Variants in ABCA12 observed in about 807,000 individuals in gnomAD.
ABCA12 encodes glucosylceramide transporter ABCA12.
A neutral mutation model predicts 293.5 loss-of-function variants in ABCA12; 156 were observed. That is an observed-to-expected ratio of 0.53 (90% CI 0.47 to 0.61). The LOEUF is 0.61. ABCA12 is among the 20% of genes least tolerant of loss of function. The pLI is 0.00. For synonymous variants in ABCA12, 1,063 were observed against 1,108.0 expected (o/e 0.96, Z 0.81); for missense variants, 2,797 against 3,090.2 (o/e 0.91, Z 2.25).
chr2:215,036,691 A>G (rs1207744960), intron 8 of ABCA12, among the ~76,000 whole-genome samples: 3 of 151,920 alleles, frequency 2.0e-5, no homozygotes, highest in Admixed American at 2.0e-4. Context: ...TTTTTTCTAT[A>G]CCAAGTATAA....
chr2:214,947,307 CAT>C, intron 48 of ABCA12, 113 bp downstream of exon 48: 1 of 1,451,430 alleles, frequency 6.9e-7, no homozygotes, highest in Non-Finnish European at 9.6e-7. Context: ...ATAGCTAGCA[CAT>C]AGTGAGACCT....
chr2:214,941,316 G>T (rs931006747), intron 50 of ABCA12, among the ~76,000 whole-genome samples: 1 of 152,042 alleles, frequency 6.6e-6, no homozygotes, highest in Non-Finnish European at 1.5e-5. Context: ...GGTCTGAGAG[G>T]CTGTTTGTTA....
chr2:215,007,253 A>G (rs1388383347), intron 19 of ABCA12, among the ~76,000 whole-genome samples: 1 of 152,142 alleles, frequency 6.6e-6, no homozygotes, highest in Non-Finnish European at 1.5e-5. Flanking sequence ...GTTAACGAGA[A>G]CACCTTGTGT....
intron 7 of ABCA12, among the ~76,000 whole-genome samples, chr2:215,041,589 T>C (rs1021519279): frequency 2.0e-5 from 3 of 150,480 alleles, no homozygotes; most frequent in African/African-American, 7.3e-5. Context: ...GGAGTTGCTA[T>C]GGAGAACAGT....
chr2:215,074,693 C>T (rs1046016952), intron 2 of ABCA12, among the ~76,000 whole-genome samples: 18 of 152,098 alleles, frequency 1.2e-4, no homozygotes, highest in African/African-American at 3.6e-4. Flanking sequence ...CCTGTAATCC[C>T]AGCACTTTGG....
Position 215,025,654 on chromosome 2 carries a change from T to TTTTTTTATTG in ABCA12, c.1287+18_1287+19insCAATAAAAAA. 6.5e-7 allele frequency: 1 copy of TTTTTTTATTG among 1,526,794 alleles called. No homozygotes were observed. The highest frequency in any genetic ancestry group is 8.9e-7 in the Non-Finnish European group (1 of 1,123,660). 94.6% of individuals were successfully genotyped at this position (1,526,794 alleles called of 1,614,324 possible). On this transcript the variant is annotated intron_variant, in intron 11 of 52. Transcript: ENST00000272895. The stretch of plus-strand genomic sequence containing the variant: ...TTTTTTTTTTTGTTTTTTGTTTTTT[T>TTTTTTTATTG]TTTACTTTCATGGCTTACTTTTGAT...
intron 19 of ABCA12, among the ~76,000 whole-genome samples, chr2:215,005,082 C>CT (rs1481863980): frequency 6.6e-6 from 1 of 152,132 alleles, no homozygotes; most frequent in Non-Finnish European, 1.5e-5. Context: ...ATACCATGTG[C>CT]TGGGCACCGT....
chr2:215,126,754 G>T (rs1174585690), intron 1 of ABCA12, among the ~76,000 whole-genome samples: 1 of 151,392 alleles, frequency 6.6e-6, no homozygotes, highest in Non-Finnish European at 1.5e-5. Flanking sequence ...CCAGCTTTTT[G>T]TTTCATTTAT....
At chr2:214,975,254 G>A (rs185814861) in intron 34 of ABCA12, among the ~76,000 whole-genome samples, 2 of 152,238 alleles carry the variant, frequency 1.3e-5, no homozygotes, top group Non-Finnish European at 2.9e-5. Flanking sequence ...GTGAGCCACG[G>A]CACTCAGCCT....
At chr2:215,129,581 G>A (rs752492710) in intron 1 of ABCA12, among the ~76,000 whole-genome samples, 40 of 152,010 alleles carry the variant, frequency 2.6e-4, no homozygotes, top group Admixed American at 2.0e-3. Flanking sequence ...GGGGTTGTTC[G>A]TTTTCTTTCT....
At chr2:215,041,291 C>T (rs1022209392) in intron 7 of ABCA12, among the ~76,000 whole-genome samples, 30 of 152,080 alleles carry the variant, frequency 2.0e-4, no homozygotes, top group African/African-American at 6.5e-4. Context: ...CTGTGGCTCA[C>T]GCCTGTAATC....
At chr2:215,079,925 G>T (rs1004168622) in intron 2 of ABCA12, among the ~76,000 whole-genome samples, 8 of 152,022 alleles carry the variant, frequency 5.3e-5, no homozygotes, top group Admixed American at 1.3e-4. Context: ...TACTGGTTGG[G>T]GATAAATAGA....
Position 214,970,404 on chromosome 2 carries a change from G to A in ABCA12, c.5563-4C>T, listed in dbSNP as rs1699361570. 1 of 1,612,840 alleles carries A rather than the reference G, an allele frequency of 6.2e-7. No homozygotes were observed. Among genetic ancestry groups the A allele is most frequent in the South Asian group, 1.1e-5 (1 of 91,042 alleles). On this transcript the variant is annotated splice_region_variant and splice_polypyrimidine_tract_variant and intron_variant, in intron 36 of 52. Coordinates refer to ENST00000272895, the MANE Select transcript of ABCA12 (RefSeq NM_173076.3). ...AATAGTTAAATTTAGGACATTCCTGGAAAATAAAGTTAAAAATGAATTTTT... is the reference window on the plus strand; with the variant it reads ...AATAGTTAAATTTAGGACATTCCTGAAAAATAAAGTTAAAAATGAATTTTT...
chr2:215,095,456 T>A (rs1702231770), intron 2 of ABCA12, among the ~76,000 whole-genome samples: 1 of 152,124 alleles, frequency 6.6e-6, no homozygotes, highest in South Asian at 2.1e-4. Context: ...ATGCTCCTTC[T>A]AACAAACCCA....
chr2:215,032,148 G>C, intron 8 of ABCA12: 6 of 1,332,638 alleles, frequency 4.5e-6, no homozygotes, highest in Non-Finnish European at 5.8e-6. Flanking sequence ...CAAGTTCTTT[G>C]TCTGTGCATC....
chr2:214,988,193 C>G (rs1699829478), intron 26 of ABCA12, among the ~76,000 whole-genome samples: 1 of 152,190 alleles, frequency 6.6e-6, no homozygotes, highest in Admixed American at 6.5e-5. Flanking sequence ...ACATATTCAT[C>G]TATGACCAAA....
chr2:215,049,231 A>G (rs1203470834), intron 6 of ABCA12, among the ~76,000 whole-genome samples: 1 of 152,204 alleles, frequency 6.6e-6, no homozygotes, highest in Non-Finnish European at 1.5e-5. Flanking sequence ...GAGAAAAATA[A>G]AAAGATTTTA....
intron 2 of ABCA12, among the ~76,000 whole-genome samples, chr2:215,097,231 A>G (rs569744758): frequency 3.9e-5 from 6 of 152,248 alleles, no homozygotes; most frequent in African/African-American, 1.2e-4. Context: ...TTCTCCATGC[A>G]AATCCAAGTA....
chr2:215,072,332 T>A (rs1157695169), intron 2 of ABCA12, among the ~76,000 whole-genome samples: 1 of 152,184 alleles, frequency 6.6e-6, no homozygotes, highest in Non-Finnish European at 1.5e-5. Context: ...TTTTTGTACC[T>A]TGAGACTCTG....
Sources: gnomAD v4.1 joint callset for allele counts (sites outside exome capture counted in the v4.1 genomes callset) on GRCh38, gnomAD v4.1.1 for gene constraint, MANE v1.5 for transcripts, NCBI Gene and HGNC (gene_info 2026-07-23, HGNC 2026-07-21) for gene names.